The following HACD3 variants were observed in gnomAD, a reference collection of about 807,000 sequenced individuals.
HACD3 encodes 3-hydroxyacyl-CoA dehydratase 3, also known as very-long-chain (3R)-3-hydroxyacyl-CoA dehydratase 3.
HACD3 carries 30 observed loss-of-function variants against 55.2 expected under a neutral mutation model. The ratio of observed to expected loss-of-function variants is 0.54; its 90% CI spans 0.41 to 0.74. HACD3 has a LOEUF of 0.74. Ranked by LOEUF, HACD3 falls within the 30% of genes least tolerant of loss-of-function variation. HACD3 has a pLI of 0.00. For missense variants in HACD3, 363 were observed against 440.1 expected (o/e 0.82, Z 1.57); for synonymous variants, 141 against 151.7 (o/e 0.93, Z 0.52).
At chr15:65,544,761 C>T (rs2072057313) in intron 1 of HACD3, among the ~76,000 whole-genome samples, 1 of 152,132 alleles carries the variant, frequency 6.6e-6, no homozygotes, top group African/African-American at 2.4e-5. Flanking sequence ...GTGGCTCACG[C>T]CTGTAATCCC....
intron 1 of HACD3, among the ~76,000 whole-genome samples, chr15:65,532,632 C>CAA (rs564490649): frequency 9.0e-5 from 6 of 66,556 alleles, no homozygotes; most frequent in South Asian, 1.0e-3. Flanking sequence ...AACTCTGTCT[C>CAA]AAAAAAAAAA....
chr15:65,559,241 T>C (rs1309120673), intron 5 of HACD3, among the ~76,000 whole-genome samples: 1 of 152,160 alleles, frequency 6.6e-6, no homozygotes, highest in Admixed American at 6.5e-5. Context: ...TGTAAGTGTA[T>C]TATCTTCTGG....
chr15:65,564,439 CA>C, intron 7 of HACD3, 97 bp downstream of exon 7: 1 of 1,423,184 alleles, frequency 7.0e-7, no homozygotes, highest in South Asian at 1.4e-5. Context: ...CTCATAAAGA[CA>C]TACCTGAGAC....
chr15:65,552,200 T>G (rs922792820), intron 2 of HACD3, among the ~76,000 whole-genome samples: 1 of 152,220 alleles, frequency 6.6e-6, no homozygotes, highest in African/African-American at 2.4e-5. Flanking sequence ...TTGGCTCCAC[T>G]GCAGCTGTGA....
At chr15:65,541,577 C>T (rs770226544) in intron 1 of HACD3, among the ~76,000 whole-genome samples, 16 of 152,094 alleles carry the variant, frequency 1.1e-4, no homozygotes, top group East Asian at 1.9e-4. Context: ...AAGTGGGGTC[C>T]GCTATAGATT....
rs1301511428 is a variant in HACD3 at position 65,570,075 on chromosome 15, T to G, written c.661-16T>G. On this transcript the variant is annotated splice_polypyrimidine_tract_variant and intron_variant, in intron 7 of 10. Coordinates refer to ENST00000261875, the MANE Select transcript of HACD3 (RefSeq NM_016395.4). Reference sequence around the variant, plus strand: ...ATTTTATTAACTTTTTTCTCTCTTTTGGGTCTTTCTAATAGCTTCTTGGAA... The same window carrying G: ...ATTTTATTAACTTTTTTCTCTCTTTGGGGTCTTTCTAATAGCTTCTTGGAA... 1 of 1,506,792 alleles carries G rather than the reference T, an allele frequency of 6.6e-7. No individual in the cohort carries two copies. The highest frequency in any genetic ancestry group is 1.2e-5 in the South Asian group (1 of 84,718). The allele number at this position is 1,506,792 out of a possible 1,614,324, so 93.3% of individuals were successfully genotyped here.
intron 1 of HACD3, among the ~76,000 whole-genome samples, chr15:65,537,945 AAAAAAAAAAAAAAATATATATATAT>A (rs1161236897): frequency 9.9e-4 from 36 of 36,462 alleles, no homozygotes; most frequent in East Asian, 1.7e-3. Flanking sequence ...AAAAAAAAAA[AAAAAAAAAAAAAAATATATATATAT>A]ATATATATAT....
At chr15:65,568,772 C>T (rs777395417) in intron 7 of HACD3, among the ~76,000 whole-genome samples, 5 of 152,112 alleles carry the variant, frequency 3.3e-5, no homozygotes, top group Non-Finnish European at 7.3e-5. Context: ...AAAATCAAGA[C>T]AGTATAAAGA....
chr15:65,545,434 T>C (rs1303899950), intron 1 of HACD3, among the ~76,000 whole-genome samples: 1 of 151,724 alleles, frequency 6.6e-6, no homozygotes, highest in African/African-American at 2.4e-5. Context: ...GAGGAATGCA[T>C]GAACCTGGAT....
chr15:65,535,783 A>G (rs2071948698), intron 1 of HACD3: 1 of 646,286 alleles, frequency 1.5e-6, no homozygotes, highest in South Asian at 1.7e-5. Context: ...GTAGCCTTGA[A>G]CTCCTGGGTT....
intron 1 of HACD3, among the ~76,000 whole-genome samples, chr15:65,533,741 A>AC (rs2071925887): frequency 2.7e-5 from 1 of 36,818 alleles, no homozygotes; most frequent in Admixed American, 5.0e-4. Flanking sequence ...CAGATTTGTT[A>AC]TTTAAAAAAA....
chr15:65,557,424 G>A (rs576183208), intron 4 of HACD3, among the ~76,000 whole-genome samples: 111 of 150,760 alleles, frequency 7.4e-4, no homozygotes, highest in Middle Eastern at 6.9e-3. Context: ...GCCGTGAGCC[G>A]AGATCACGCC....
chr15:65,560,547 C>T (rs949869930), intron 5 of HACD3, among the ~76,000 whole-genome samples: 2 of 152,140 alleles, frequency 1.3e-5, no homozygotes, highest in Non-Finnish European at 2.9e-5. Flanking sequence ...CCTCTAATCC[C>T]AGCACTTTGG....
At chr15:65,566,952 T>G (rs1470677421) in intron 7 of HACD3, 1 of 152,214 alleles carries the variant, frequency 6.6e-6, no homozygotes, top group African/African-American at 2.4e-5. Flanking sequence ...GAAATGTATG[T>G]GGTCTCCTCC....
chr15:65,536,364 T>C (rs1225368493), intron 1 of HACD3, among the ~76,000 whole-genome samples: 1 of 152,148 alleles, frequency 6.6e-6, no homozygotes, highest in African/African-American at 2.4e-5. Flanking sequence ...AATCGATAAA[T>C]GTATGTGTTC....
At chr15:65,560,498 C>G (rs1344607903) in intron 5 of HACD3, among the ~76,000 whole-genome samples, 1 of 152,160 alleles carries the variant, frequency 6.6e-6, no homozygotes, top group African/African-American at 2.4e-5. Context: ...GTCTGCCCAT[C>G]TTTCAAAGCC....
At chr15:65,546,905 T>C (rs1369084743) in intron 1 of HACD3, among the ~76,000 whole-genome samples, 1 of 152,172 alleles carries the variant, frequency 6.6e-6, no homozygotes, top group African/African-American at 2.4e-5. Flanking sequence ...ATTGTACTCA[T>C]GACTAAGGTT....
At chr15:65,557,638 G>T (rs766824322) in intron 4 of HACD3, among the ~76,000 whole-genome samples, 3 of 152,146 alleles carry the variant, frequency 2.0e-5, no homozygotes, top group Non-Finnish European at 4.4e-5. Context: ...CATTTAAGGA[G>T]CAGGGAGTTA....
intron 1 of HACD3, among the ~76,000 whole-genome samples, chr15:65,539,660 A>G (rs890422778): frequency 3.9e-5 from 6 of 152,174 alleles, no homozygotes; most frequent in Non-Finnish European, 8.8e-5. Flanking sequence ...TTACACATGC[A>G]GGTGGAGGTA....
Sources: allele counts gnomAD v4.1 joint callset (sites outside exome capture counted in the v4.1 genomes callset), GRCh38; gene constraint gnomAD v4.1.1; transcripts MANE v1.5; gene names NCBI Gene and HGNC (gene_info 2026-07-23, HGNC 2026-07-21).